Variants in MDM1 observed in about 807,000 individuals in gnomAD.
The protein encoded by MDM1 is stabilizer of axonemal microtubules 6, also known as Mdm1 nuclear protein.
MDM1 carries 61 observed loss-of-function variants against 89.1 expected under a neutral mutation model. The ratio of observed to expected loss-of-function variants is 0.68; its 90% CI spans 0.56 to 0.85. The LOEUF (loss-of-function observed/expected upper bound fraction) is 0.85. MDM1 is among the 40% of genes least tolerant of loss of function. The pLI is 0.00. For missense variants in MDM1, 820 were observed against 846.5 expected, an observed-to-expected ratio of 0.97 and a Z score of 0.39; for synonymous variants, 290 against 294.1, an observed-to-expected ratio of 0.99 and a Z score of 0.14.
At chr12:68,309,456 C>A (rs1873386560) in intron 12 of MDM1, among the ~76,000 whole-genome samples, 2 of 152,162 alleles carry the variant, frequency 1.3e-5, no homozygotes, top group Admixed American at 6.5e-5. Flanking sequence ...GTTTTAATTT[C>A]ATTTCTTTTT....
At chr12:68,314,807 G>A (rs1874232643) in intron 10 of MDM1, 141 bp downstream of exon 10, 2 of 722,218 alleles carry the variant, frequency 2.8e-6, no homozygotes, top group East Asian at 2.5e-5. Flanking sequence ...CCATACAGCA[G>A]TGCCTCCTTT....
chr12:68,321,322 G>C, intron 7 of MDM1, 25 bp downstream of exon 7: 1 of 1,569,116 alleles, frequency 6.4e-7, no homozygotes, highest in Non-Finnish European at 8.7e-7. Flanking sequence ...GAACATGTAG[G>C]CTTATTGAGG....
At chr12:68,317,865 T>C (rs1286536584) in intron 7 of MDM1, among the ~76,000 whole-genome samples, 1 of 152,208 alleles carries the variant, frequency 6.6e-6, no homozygotes, top group African/African-American at 2.4e-5. Flanking sequence ...ATGCTTCAAA[T>C]GTTTCAGGGC....
rs144156006 is a variant in MDM1 at position 68,326,859 on chromosome 12, T to C, written c.296A>G (p.Gln99Arg). The C allele has an allele frequency of 5.0e-6, 8 of 1,613,878 alleles. No individual in the cohort carries two copies. Among genetic ancestry groups the C allele is most frequent in the South Asian group, 1.1e-5 (1 of 91,076 alleles). The change falls in exon 3 of 15, where the codon CAA becomes CGA. Residue 99 changes from glutamine to arginine, a missense_variant. Coordinates refer to ENST00000682720, the MANE Select transcript of MDM1 (RefSeq NM_001354969.2). ...PETPKSQEAE[Q>R]KDVTQERVHS... is the part of the protein sequence containing the mutation. ...AACTCTTTCTTGAGTAACATCCTTT[T>C]GTTCTGCTTCTTGTGATTTTGGTGT...
intron 1 of MDM1, chr12:68,332,014 G>C (rs948970062): frequency 1.1e-5 from 8 of 715,378 alleles, no homozygotes; most frequent in African/African-American, 7.0e-5. Context: ...CTGACTCTTC[G>C]ACACACTGCA....
intron 2 of MDM1, among the ~76,000 whole-genome samples, chr12:68,329,085 C>CG (rs1565788570): frequency 1.3e-5 from 2 of 152,188 alleles, no homozygotes; most frequent in African/African-American, 4.8e-5. Context: ...GCCCTGTAGG[C>CG]GCTCAGCAGG....
chr12:68,320,001 T>C (rs758375798), intron 7 of MDM1, among the ~76,000 whole-genome samples: 1 of 152,224 alleles, frequency 6.6e-6, no homozygotes, highest in Admixed American at 6.5e-5. Flanking sequence ...AGATCAAGCG[T>C]AGAAATCTCA....
intron 14 of MDM1, among the ~76,000 whole-genome samples, chr12:68,295,567 T>C (rs113867485): frequency 5.3e-4 from 80 of 152,348 alleles, no homozygotes; most frequent in African/African-American, 1.9e-3. Context: ...TTATCATATA[T>C]AGAAATCAAA....
chr12:68,332,075 C>A, intron 1 of MDM1, 153 bp downstream of exon 1: 2 of 989,024 alleles, frequency 2.0e-6, no homozygotes, highest in Non-Finnish European at 3.1e-6. Context: ...AGGCGGCGGG[C>A]AGATTCTGGG....
rs543019610 is a variant in MDM1 at position 68,316,341 on chromosome 12, T to A, written c.1036-88A>T. The A allele has an allele frequency of 1.8e-5, 25 of 1,394,800 alleles. No homozygotes were observed. In the African/African-American group the frequency reaches 3.2e-4, roughly 18 times the overall value. The allele number at this position is 1,394,800 out of a possible 1,614,324, so 86.4% of individuals were successfully genotyped here. On this transcript the variant is annotated intron_variant, in intron 8 of 14. Coordinates refer to ENST00000682720, the MANE Select transcript of MDM1 (RefSeq NM_001354969.2). ...TAGCATATCAAAGACATTGCACAAA[T>A]ACAGCCAGGGACCAAAGACAAAGGA...
intron 9 of MDM1, 117 bp downstream of exon 9, chr12:68,315,961 C>T: frequency 1.3e-6 from 1 of 760,646 alleles, no homozygotes; most frequent in South Asian, 3.2e-5. Context: ...AAATGGCTGC[C>T]ACAATTCCAT....
intron 12 of MDM1, among the ~76,000 whole-genome samples, chr12:68,303,405 T>C (rs1439799641): frequency 1.3e-5 from 2 of 151,068 alleles, no homozygotes; most frequent in East Asian, 1.9e-4. Context: ...TAGACTGCTA[T>C]TGGGAGTACA....
intron 3 of MDM1, chr12:68,326,344 T>G (rs765472924): frequency 7.1e-7 from 1 of 1,400,208 alleles, no homozygotes; most frequent in African/African-American, 1.4e-5. Flanking sequence ...AGGGCCTACT[T>G]CCCTTCTCTG....
chr12:68,302,939 C>T, intron 12 of MDM1, 67 bp from the exon 13 acceptor site: 1 of 1,344,022 alleles, frequency 7.4e-7, no homozygotes, highest in Non-Finnish European at 9.8e-7. Flanking sequence ...ATAAGCCAAA[C>T]ATTTAAATGC....
intron 2 of MDM1, chr12:68,327,291 CAA>C (rs1876145239): frequency 7.1e-7 from 1 of 1,411,882 alleles, no homozygotes; most frequent in African/African-American, 1.4e-5. Context: ...GTTATCCTAA[CAA>C]AAGTCACTAG....
At position 68,326,716 on chromosome 12, in the gene MDM1, T is replaced by G; in HGVS notation, c.439A>C (p.Asn147His). ...GAATGTTCCAGTTCCACATTTTCAT[T>G]AACTGGTGTATGGTTTGTTACACCC... ...NEGVTNHTPV[N>H]ENVELEHSTK... Residue 147 changes from asparagine (N) to histidine (H), a missense_variant, in exon 3 of 15, where the codon AAT (asparagine) becomes CAT (histidine). Physicochemically the swap from Asn to His is moderately conservative, Grantham distance 68. Transcript: ENST00000682720. 1 of 1,614,162 alleles carries G rather than the reference T, an allele frequency of 6.2e-7. No homozygotes were observed. The highest frequency in any genetic ancestry group is 8.5e-7 in the Non-Finnish European group (1 of 1,179,982).
chr12:68,316,462 C>CAATGA, intron 8 of MDM1, 119 bp downstream of exon 8: 1 of 981,506 alleles, frequency 1.0e-6, no homozygotes. Context: ...TATTTCAGAC[C>CAATGA]AGCAGGCAGG....
chr12:68,325,448 G>C lies in MDM1; in HGVS notation c.626C>G (p.Ala209Gly). 1.3e-6 allele frequency: 2 copies of C among 1,569,398 alleles called. No individual in the cohort carries two copies. The highest frequency in any genetic ancestry group is 2.3e-5 in the East Asian group (1 of 43,444). The change falls in exon 4 of 15, where the codon GCC becomes GGC. Residue 209 changes from alanine (A) to glycine (G), a missense_variant. Coordinates refer to ENST00000682720, the MANE Select transcript of MDM1 (RefSeq NM_001354969.2). Reference sequence around the variant, plus strand: ...TTACATCCATTAAGCTACCTGATTGGCTGCAAAAGCTGGAGCAGTTTCTTT... The same window carrying C: ...TTACATCCATTAAGCTACCTGATTGCCTGCAAAAGCTGGAGCAGTTTCTTT... ...TSKETAPAFAANQVFHNKSQF... is the reference protein window; with the variant it reads ...TSKETAPAFAGNQVFHNKSQF...
In MDM1 at chr12:68,302,804, A is replaced by G; in HGVS notation, c.1818T>C (p.Pro606=). The change falls in exon 13 of 15, where the codon CCT becomes CCC. Residue 606 remains proline (P), a synonymous_variant. Transcript: ENST00000682720. The part of the protein sequence containing the change: ...AAGIKTVDPL[P]LREDSEDNIH... Reference sequence around the variant, plus strand: ...TATTGTCTTCAGAATCTTCCCGCAAAGGCAGAGGATCAACTGTTTTTATAC... The same window carrying G: ...TATTGTCTTCAGAATCTTCCCGCAAGGGCAGAGGATCAACTGTTTTTATAC... 1 of 1,613,022 alleles carries G rather than the reference A, an allele frequency of 6.2e-7. No individual in the cohort carries two copies. Among genetic ancestry groups the G allele is most frequent in the Non-Finnish European group, 8.5e-7 (1 of 1,179,812 alleles).
Sources: allele counts gnomAD v4.1 joint callset (sites outside exome capture counted in the v4.1 genomes callset), GRCh38; gene constraint gnomAD v4.1.1; transcripts MANE v1.5; gene names NCBI Gene and HGNC (gene_info 2026-07-23, HGNC 2026-07-21).